Variants in SLC2A9 observed in about 807,000 individuals in gnomAD.
SLC2A9 encodes the protein solute carrier family 2, facilitated glucose transporter member 9.
A neutral mutation model predicts 50.6 loss-of-function variants in SLC2A9; 39 were observed. The observed-to-expected ratio is 0.77, with a 90% CI of 0.60 to 1.01. The LOEUF is 1.01. Ranked by LOEUF, SLC2A9 falls within the 50% of genes least tolerant of loss-of-function variation. The probability of loss-of-function intolerance (pLI) is 0.00; values close to 1 mark genes in which losing one functional copy is unlikely to be tolerated. For synonymous variants in SLC2A9, 324 were observed against 276.9 expected (o/e 1.17, Z -1.69); for missense variants, 686 against 677.6 (o/e 1.01, Z -0.14).
At chr4:9,859,863 C>T (rs1484736039) in intron 10 of SLC2A9, among the ~76,000 whole-genome samples, 2 of 152,220 alleles carry the variant, frequency 1.3e-5, no homozygotes, top group East Asian at 3.9e-4. Flanking sequence ...GGTGTGCTAT[C>T]TTTCCCCAGT....
intron 10 of SLC2A9, among the ~76,000 whole-genome samples, chr4:9,837,386 G>A (rs908189482): frequency 1.3e-5 from 2 of 152,178 alleles, no homozygotes; most frequent in African/African-American, 4.8e-5. Context: ...CACTCAGTTG[G>A]TCCTGCAGCT....
intron 6 of SLC2A9, among the ~76,000 whole-genome samples, chr4:9,926,463 T>C (rs1744925580): frequency 6.6e-6 from 1 of 150,794 alleles, no homozygotes; most frequent in African/African-American, 2.4e-5. Flanking sequence ...AAAATAAACA[T>C]AATAGCATTG....
chr4:9,819,116 CAAAAAAAAAAAAA>C (rs60751108), intron 3 of SLC2A9, among the ~76,000 whole-genome samples: 3 of 57,374 alleles, frequency 5.2e-5, no homozygotes, highest in Admixed American at 1.9e-4. Flanking sequence ...GAGACTGTCT[CAAAAAAAAAAAAA>C]AAAAAAAAAA....
chr4:9,968,780 G>C (rs909991825), intron 5 of SLC2A9, among the ~76,000 whole-genome samples: 1 of 152,004 alleles, frequency 6.6e-6, no homozygotes, highest in Non-Finnish European at 1.5e-5. Context: ...TTTAGTAACT[G>C]GCCTAAGAAA....
At chr4:10,018,045 G>C (rs1162572405) in intron 2 of SLC2A9, among the ~76,000 whole-genome samples, 1 of 152,188 alleles carries the variant, frequency 6.6e-6, no homozygotes, top group East Asian at 1.9e-4. Flanking sequence ...GGTGGTGGTA[G>C]GTCAAAGCCA....
chr4:9,848,837 T>C (rs1425899769), intron 10 of SLC2A9, among the ~76,000 whole-genome samples: 1 of 152,004 alleles, frequency 6.6e-6, no homozygotes, highest in Non-Finnish European at 1.5e-5. Context: ...CCCGAGTAGC[T>C]GGGACTACAG....
At chr4:10,006,376 T>G (rs1055567484) in intron 2 of SLC2A9, 8 of 152,200 alleles carry the variant, frequency 5.3e-5, no homozygotes, top group African/African-American at 1.7e-4. Flanking sequence ...TACACGGAAG[T>G]AACACTTGGT....
intron 5 of SLC2A9, 110 bp downstream of exon 5, chr4:9,980,482 G>C: frequency 1.4e-6 from 2 of 1,462,498 alleles, no homozygotes; most frequent in Non-Finnish European, 1.9e-6. Flanking sequence ...TAAGAGGCTT[G>C]AATACCAGAA....
intron 5 of SLC2A9, among the ~76,000 whole-genome samples, chr4:9,952,043 C>T (rs1750382302): frequency 6.6e-6 from 1 of 152,188 alleles, no homozygotes; most frequent in Non-Finnish European, 1.5e-5. Flanking sequence ...AGTTGGCCCA[C>T]CTCTGAGGTT....
upstream of SLC2A9, among the ~76,000 whole-genome samples, chr4:10,023,881 G>A (rs945029760): frequency 3.3e-5 from 5 of 152,204 alleles, no homozygotes; most frequent in African/African-American, 9.6e-5. Flanking sequence ...CAGGGCCATC[G>A]GCCCTGCACT....
intron 7 of SLC2A9, among the ~76,000 whole-genome samples, chr4:9,917,845 AG>A (rs1743166856): frequency 6.6e-6 from 1 of 152,174 alleles, no homozygotes; most frequent in Non-Finnish European, 1.5e-5. Context: ...GAGGCCAGGG[AG>A]GCTGCTGAAT....
intron 5 of SLC2A9, among the ~76,000 whole-genome samples, chr4:9,951,282 C>T (rs980590500): frequency 6.6e-6 from 1 of 151,190 alleles, no homozygotes; most frequent in Non-Finnish European, 1.5e-5. Flanking sequence ...TATGTGGAAG[C>T]TAAAAAATTT....
At chr4:9,840,232 G>A (rs867191926) in intron 10 of SLC2A9, among the ~76,000 whole-genome samples, 1 of 152,086 alleles carries the variant, frequency 6.6e-6, no homozygotes, top group African/African-American at 2.4e-5. Context: ...TACTTGAAAA[G>A]AACTTAGCTA....
intron 5 of SLC2A9, among the ~76,000 whole-genome samples, chr4:9,973,338 G>A (rs576523240): frequency 2.0e-4 from 30 of 152,122 alleles, no homozygotes; most frequent in Non-Finnish European, 4.3e-4. Context: ...TGAAAAGATG[G>A]ATTCACAGCC....
chr4:10,013,174 C>T (rs112836118), intron 2 of SLC2A9, among the ~76,000 whole-genome samples: 2,069 of 152,242 alleles, frequency 0.014, 40 homozygotes, highest in African/African-American at 0.047. Flanking sequence ...GTCCAGTGTG[C>T]GTTTAATAGT....
At position 9,940,058 on chromosome 4, in the gene SLC2A9, G is replaced by C. The variant is rs1243458695; in HGVS notation, c.814+1855C>G. ...AAAACCTTCTTCACTGTCTGGCATTGACATGCACTATTCATTCCAACTGTA... is the reference window on the plus strand; with the variant it reads ...AAAACCTTCTTCACTGTCTGGCATTCACATGCACTATTCATTCCAACTGTA... On this transcript the variant is annotated intron_variant, in intron 6 of 11. Transcript: ENST00000264784. 3.9e-5 allele frequency among the ~76,000 whole-genome samples: 6 copies of C among 152,178 alleles called. No homozygotes were observed. The East Asian group carries it at 1.2e-3, about 29-fold the overall frequency.
At chr4:9,837,654 T>C (rs746471015) in intron 10 of SLC2A9, among the ~76,000 whole-genome samples, 7 of 152,238 alleles carry the variant, frequency 4.6e-5, no homozygotes, top group Non-Finnish European at 1.0e-4. Context: ...CTCCTGATCC[T>C]AGCACAGTGC....
At chr4:9,907,379 T>A (rs1157210323) in intron 8 of SLC2A9, among the ~76,000 whole-genome samples, 1 of 152,214 alleles carries the variant, frequency 6.6e-6, no homozygotes, top group East Asian at 1.9e-4. Context: ...ATCTGGAAAT[T>A]TCTACTAGGT....
intron 3 of SLC2A9, among the ~76,000 whole-genome samples, chr4:9,791,631 T>C (rs1394615666): frequency 6.6e-6 from 1 of 152,166 alleles, no homozygotes; most frequent in Non-Finnish European, 1.5e-5. Flanking sequence ...GTGGGTGTTC[T>C]ATGAAGAGGC....
Sources: gnomAD v4.1 joint callset for allele counts (sites outside exome capture counted in the v4.1 genomes callset) on GRCh38, gnomAD v4.1.1 for gene constraint, MANE v1.5 for transcripts, NCBI Gene and HGNC (gene_info 2026-07-23, HGNC 2026-07-21) for gene names.